Variants in COL5A2 observed in about 807,000 individuals in gnomAD.
COL5A2 encodes the protein collagen alpha-2(V) chain.
In COL5A2, 23 loss-of-function variants were observed where a neutral mutation model predicts 208.2. The observed-to-expected ratio is 0.11, with a 90% CI of 0.08 to 0.16. The LOEUF is 0.16. Among genes scored for constraint, COL5A2 ranks in the 10% least tolerant of loss-of-function variants. The pLI, the probability that COL5A2 is intolerant of heterozygous loss-of-function variation, is 1.00. For missense variants in COL5A2, 1,590 were observed against 1,956.4 expected (o/e 0.81, Z 3.53); for synonymous variants, 625 against 628.5 (o/e 0.99, Z 0.08).
chr2:189,171,951 G>A (rs1688581583), intron 1 of COL5A2, among the ~76,000 whole-genome samples: 1 of 152,196 alleles, frequency 6.6e-6, no homozygotes, highest in South Asian at 2.1e-4. Flanking sequence ...AACCTTCAGA[G>A]AGTAGCATTT....
chr2:189,064,679 A>G, intron 24 of COL5A2, 24 bp from the exon 25 acceptor site: 1 of 1,489,796 alleles, frequency 6.7e-7, no homozygotes, highest in Non-Finnish European at 9.4e-7. Context: ...AAGCAGATGC[A>G]TGAAGAAAAA....
chr2:189,278,080 C>A, the COL5A2 span, among the ~76,000 whole-genome samples: 1 of 152,184 alleles, frequency 6.6e-6, no homozygotes, highest in Admixed American at 6.5e-5. Flanking sequence ...CTTGGAGATG[C>A]ACTGCTAAGT....
intron 1 of COL5A2, among the ~76,000 whole-genome samples, chr2:189,124,738 T>C (rs1022268490): frequency 6.6e-6 from 1 of 151,908 alleles, no homozygotes; most frequent in African/African-American, 2.4e-5. Context: ...TTTTCTTTTT[T>C]TTTTTTTTAA....
chr2:189,053,005 T>G lies in COL5A2; in HGVS notation c.2567A>C (p.Gln856Pro). 2 of 1,613,980 alleles carry G rather than the reference T, an allele frequency of 1.2e-6. No individual in the cohort carries two copies. Among genetic ancestry groups the G allele is most frequent in the African/African-American group, 2.7e-5 (2 of 75,044 alleles). Residue 856 changes from glutamine to proline, a missense_variant, in exon 39 of 54, where the codon CAG (glutamine) becomes CCG (proline). Physicochemically the swap from Gln to Pro is moderately conservative, Grantham distance 76. Coordinates refer to ENST00000374866, the MANE Select transcript of COL5A2 (RefSeq NM_000393.5). ...GFAGPQGPDG[Q>P]PGVKGEPGEP... ...TCCAGGTTCACCTTTTACTCCAGGCTGTCCGTCAGGACCCTATAAAAAATT... is the reference window on the plus strand; with the variant it reads ...TCCAGGTTCACCTTTTACTCCAGGCGGTCCGTCAGGACCCTATAAAAAATT...
chr2:189,233,365 A>G, the COL5A2 span, among the ~76,000 whole-genome samples: 1 of 151,790 alleles, frequency 6.6e-6, no homozygotes, highest in African/African-American at 2.4e-5. Context: ...GTAAACAATG[A>G]CAATTAAAAA....
At chr2:189,334,731 C>T in the COL5A2 span, among the ~76,000 whole-genome samples, 1 of 151,846 alleles carries the variant, frequency 6.6e-6, no homozygotes, top group Non-Finnish European at 1.5e-5. Context: ...CAAGCAGTTT[C>T]TAAAATTTGT....
At chr2:189,344,923 C>T in the COL5A2 span, among the ~76,000 whole-genome samples, 1 of 152,172 alleles carries the variant, frequency 6.6e-6, no homozygotes, top group Non-Finnish European at 1.5e-5. Flanking sequence ...GTCAAGGAAC[C>T]AAAATGTGTT....
chr2:189,226,502 G>A (rs761416381), upstream of COL5A2, among the ~76,000 whole-genome samples: 17 of 152,128 alleles, frequency 1.1e-4, no homozygotes, highest in East Asian at 3.9e-4. Flanking sequence ...AGAGCACCAT[G>A]TGATTGGAGG....
intron 26 of COL5A2, among the ~76,000 whole-genome samples, 164 bp downstream of exon 26, chr2:189,063,816 A>G (rs1026631990): frequency 6.6e-6 from 1 of 152,192 alleles, no homozygotes; most frequent in Non-Finnish European, 1.5e-5. Context: ...CATTTTTGTC[A>G]ACTTGAAAAT....
chr2:189,049,670 A>G (rs1462306804), intron 43 of COL5A2, among the ~76,000 whole-genome samples: 1 of 152,146 alleles, frequency 6.6e-6, no homozygotes, highest in Admixed American at 6.5e-5. Flanking sequence ...AAAACCAACC[A>G]TCTGTTGCCA....
rs1455355520 is a variant in COL5A2 at position 189,068,871 on chromosome 2, G to A, written c.1172C>T (p.Pro391Leu). The A allele has an allele frequency of 2.5e-6, 4 of 1,612,142 alleles. No homozygotes were observed. In the South Asian group the frequency reaches 3.3e-5, roughly 13 times the overall value. Residue 391 changes from proline (P) to leucine (L), a missense_variant, in exon 19 of 54, where the codon CCT becomes CTT. Physicochemically the swap from Pro to Leu is moderately conservative, Grantham distance 98. Transcript: ENST00000374866. ...ACCTTCAGGGCCTCGCGCCCCTGTAGGACCTGCTTCTCCCTAAAAGGGTGC... is the reference window on the plus strand; with the variant it reads ...ACCTTCAGGGCCTCGCGCCCCTGTAAGACCTGCTTCTCCCTAAAAGGGTGC... ...GNPGMKGEAG[P>L]TGARGPEGPQ...
At chr2:189,330,781 A>G in the COL5A2 span, among the ~76,000 whole-genome samples, 1 of 152,238 alleles carries the variant, frequency 6.6e-6, no homozygotes, top group Non-Finnish European at 1.5e-5. Context: ...TACAGACTAC[A>G]TTGACATAGC....
chr2:189,313,970 C>T, the COL5A2 span, among the ~76,000 whole-genome samples: 4 of 152,174 alleles, frequency 2.6e-5, no homozygotes, highest in East Asian at 7.7e-4. Context: ...TTCAGAGAGA[C>T]TTAGACTCCC....
At chr2:189,136,302 C>T (rs527601126) in intron 1 of COL5A2, among the ~76,000 whole-genome samples, 1 of 151,740 alleles carries the variant, frequency 6.6e-6, no homozygotes, top group East Asian at 1.9e-4. Flanking sequence ...CTGCTATGTA[C>T]ACAAAAATAC....
At chr2:189,174,431 CT>C (rs903148725) in intron 1 of COL5A2, among the ~76,000 whole-genome samples, 1 of 152,200 alleles carries the variant, frequency 6.6e-6, no homozygotes, top group Non-Finnish European at 1.5e-5. Flanking sequence ...TACCTACAAA[CT>C]TCAACTAAGC....
At chr2:189,236,855 G>A in the COL5A2 span, among the ~76,000 whole-genome samples, 1 of 151,708 alleles carries the variant, frequency 6.6e-6, no homozygotes, top group African/African-American at 2.4e-5. Context: ...ATGATAATAA[G>A]TTCTTAACTT....
At chr2:189,418,089 T>G in the COL5A2 span, among the ~76,000 whole-genome samples, 1 of 152,122 alleles carries the variant, frequency 6.6e-6, no homozygotes, top group Non-Finnish European at 1.5e-5. Flanking sequence ...CTTAAAAGAT[T>G]ATGAAGTATA....
intron 1 of COL5A2, among the ~76,000 whole-genome samples, chr2:189,189,199 T>C (rs1688893461): frequency 6.6e-6 from 1 of 152,224 alleles, no homozygotes; most frequent in South Asian, 2.1e-4. Flanking sequence ...TTGAAAATAC[T>C]TTTTTAGAAA....
chr2:189,178,709 TA>T (rs11296800), intron 1 of COL5A2, among the ~76,000 whole-genome samples: 63,312 of 117,782 alleles, frequency 0.54, 17,025 homozygotes, highest in East Asian at 0.66. Context: ...GATTTATCTT[TA>T]AAAAAAAAAA....
Sources: allele counts gnomAD v4.1 joint callset (sites outside exome capture counted in the v4.1 genomes callset), GRCh38; gene constraint gnomAD v4.1.1; transcripts MANE v1.5; gene names NCBI Gene and HGNC (gene_info 2026-07-23, HGNC 2026-07-21).